MAP4K3: variants seen among roughly 807,000 people sequenced by gnomAD.
MAP4K3 encodes mitogen-activated protein kinase kinase kinase kinase 3.
In MAP4K3, 94 loss-of-function variants were observed where a neutral mutation model predicts 143.5. The ratio of observed to expected loss-of-function variants is 0.65; its 90% CI spans 0.55 to 0.78. The LOEUF (loss-of-function observed/expected upper bound fraction) is 0.78, where lower values mean the gene tolerates loss of function less well. Ranked by LOEUF, MAP4K3 falls within the 30% of genes least tolerant of loss-of-function variation. The probability of loss-of-function intolerance (pLI) is 0.00; values close to 1 mark genes in which losing one functional copy is unlikely to be tolerated. For synonymous variants in MAP4K3, 416 were observed against 347.2 expected (o/e 1.20, Z -2.20); for missense variants, 1,077 against 1,068.1 (o/e 1.01, Z -0.12).
chr2:39,359,598 C>G (rs1312355853), intron 2 of MAP4K3, among the ~76,000 whole-genome samples: 1 of 152,250 alleles, frequency 6.6e-6, no homozygotes, highest in Admixed American at 6.5e-5. Context: ...CTGCACTGCC[C>G]TAGCAGAACC....
intron 1 of MAP4K3, among the ~76,000 whole-genome samples, chr2:39,428,549 G>A (rs1302657639): frequency 6.6e-6 from 1 of 151,890 alleles, no homozygotes; most frequent in South Asian, 2.1e-4. Context: ...GGTGACGGGT[G>A]CCTGTAATCC....
intron 16 of MAP4K3, among the ~76,000 whole-genome samples, chr2:39,299,017 T>C (rs1443550478): frequency 1.3e-5 from 2 of 151,170 alleles, no homozygotes; most frequent in Admixed American, 6.6e-5. Flanking sequence ...TAAAATAATA[T>C]ATGCACTGCT....
At chr2:39,361,086 T>G (rs138341991) in intron 2 of MAP4K3, among the ~76,000 whole-genome samples, 173 of 152,346 alleles carry the variant, frequency 1.1e-3, no homozygotes, top group African/African-American at 4.1e-3. Flanking sequence ...TATCTAATTA[T>G]AAAACTTGGT....
At chr2:39,342,138 T>TTAC (rs1665160969) in intron 4 of MAP4K3, among the ~76,000 whole-genome samples, 1 of 148,774 alleles carries the variant, frequency 6.7e-6, no homozygotes, top group South Asian at 2.1e-4. Flanking sequence ...ATTATTATTA[T>TTAC]TATTATTATT....
intron 16 of MAP4K3, 114 bp from the exon 17 acceptor site, chr2:39,293,382 A>G: frequency 1.4e-6 from 1 of 705,246 alleles, no homozygotes; most frequent in Non-Finnish European, 2.3e-6. Context: ...TTACTTTTTT[A>G]CCATTTACTG....
At chr2:39,272,635 G>T in intron 24 of MAP4K3, 93 bp from the exon 25 acceptor site, 2 of 935,862 alleles carry the variant, frequency 2.1e-6, no homozygotes, top group South Asian at 1.5e-5. Flanking sequence ...CTTATCTACA[G>T]GTCAGTTCTT....
chr2:39,430,921 C>G (rs1665263624), intron 1 of MAP4K3, among the ~76,000 whole-genome samples: 1 of 152,212 alleles, frequency 6.6e-6, no homozygotes, highest in Admixed American at 6.5e-5. Context: ...ATAATGATCT[C>G]CTTCCTCTAA....
At chr2:39,323,588 T>C (rs1202279978) in intron 12 of MAP4K3, 1 of 152,236 alleles carries the variant, frequency 6.6e-6, no homozygotes, top group African/African-American at 2.4e-5. Flanking sequence ...ATAAACTTTA[T>C]TGGTAGCCTT....
At chr2:39,305,133 G>C (rs7569492) in intron 15 of MAP4K3, among the ~76,000 whole-genome samples, 104,084 of 152,138 alleles carry the variant, frequency 0.68, 39,426 homozygotes, top group Non-Finnish European at 0.84. Flanking sequence ...AAGATGGAGA[G>C]TGGTGGCAGC....
intron 28 of MAP4K3, among the ~76,000 whole-genome samples, chr2:39,263,967 T>G (rs1680671881): frequency 6.6e-6 from 1 of 152,226 alleles, no homozygotes; most frequent in Admixed American, 6.5e-5. Flanking sequence ...TAAAATTCAT[T>G]CATACCAGGT....
rs147650783 is a variant in MAP4K3 at position 39,263,997 on chromosome 2, C to G, written c.2136+1206G>C. 7.2e-5 allele frequency among the ~76,000 whole-genome samples: 11 copies of G among 151,900 alleles called. No homozygotes were observed. The South Asian group carries it at 2.3e-3, about 32-fold the overall frequency. ...CCAGGTTAATCAGTATATCAGTATACAAGAATAACTGATATGATGAAACAT... is the reference window on the plus strand; with the variant it reads ...CCAGGTTAATCAGTATATCAGTATAGAAGAATAACTGATATGATGAAACAT... On this transcript the variant is annotated intron_variant, in intron 28 of 33. Coordinates refer to ENST00000263881, the MANE Select transcript of MAP4K3 (RefSeq NM_003618.4).
chr2:39,350,316 G>A (rs548586910), intron 3 of MAP4K3, among the ~76,000 whole-genome samples: 16 of 152,232 alleles, frequency 1.1e-4, no homozygotes, highest in African/African-American at 3.4e-4. Flanking sequence ...TAATAGTATC[G>A]CACCAATGTT....
chr2:39,335,857 A>G (rs1238116090), intron 6 of MAP4K3, among the ~76,000 whole-genome samples: 1 of 152,212 alleles, frequency 6.6e-6, no homozygotes, highest in African/African-American at 2.4e-5. Flanking sequence ...GCATAAGGGC[A>G]TTTTCTCAGA....
At chr2:39,380,269 C>G (rs1431475412) in intron 1 of MAP4K3, among the ~76,000 whole-genome samples, 1 of 152,074 alleles carries the variant, frequency 6.6e-6, no homozygotes, top group Non-Finnish European at 1.5e-5. Context: ...AACTTCACTT[C>G]TAAGCCTTTC....
intron 23 of MAP4K3, among the ~76,000 whole-genome samples, chr2:39,279,005 G>T (rs1681394828): frequency 6.6e-6 from 1 of 152,142 alleles, no homozygotes; most frequent in African/African-American, 2.4e-5. Context: ...AAAGATATGA[G>T]AAGCATGGCC....
chr2:39,363,993 A>T (rs992504956), intron 2 of MAP4K3, among the ~76,000 whole-genome samples: 1 of 9,236 alleles, frequency 1.1e-4, no homozygotes, highest in African/African-American at 1.1e-4. Context: ...TAGCCATTAT[A>T]AAAAAAAAAA....
At chr2:39,254,583 T>C in intron 31 of MAP4K3, 63 bp from the exon 32 acceptor site, 1 of 1,200,450 alleles carries the variant, frequency 8.3e-7, no homozygotes, top group Non-Finnish European at 1.2e-6. Context: ...TAAGCATCAT[T>C]TCATCCCTCT....
At chr2:39,363,992 TAAAA>T (rs70957104) in intron 2 of MAP4K3, among the ~76,000 whole-genome samples, 1 of 129,158 alleles carries the variant, frequency 7.7e-6, no homozygotes, top group African/African-American at 3.1e-5. Flanking sequence ...ATAGCCATTA[TAAAA>T]AAAAAAAAAA....
chr2:39,429,051 C>A (rs1480252441), intron 1 of MAP4K3, among the ~76,000 whole-genome samples: 1 of 108,274 alleles, frequency 9.2e-6, no homozygotes, highest in Non-Finnish European at 1.7e-5. Flanking sequence ...GGCGACAGAG[C>A]GAGACTCCGT....
Sources: allele counts gnomAD v4.1 joint callset (sites outside exome capture counted in the v4.1 genomes callset), GRCh38; gene constraint gnomAD v4.1.1; transcripts MANE v1.5; gene names NCBI Gene and HGNC (gene_info 2026-07-23, HGNC 2026-07-21).